The following RPRD1B variants were observed in gnomAD, a reference collection of about 807,000 sequenced individuals.
RPRD1B encodes the protein regulation of nuclear pre-mRNA domain containing 1B.
A neutral mutation model predicts 41.5 loss-of-function variants in RPRD1B; 11 were observed. The observed-to-expected ratio is 0.27, with a 90% CI of 0.17 to 0.44. The LOEUF is 0.44. Among genes scored for constraint, RPRD1B ranks in the 20% least tolerant of loss-of-function variants. RPRD1B has a pLI of 1.00. For synonymous variants in RPRD1B, 158 were observed against 155.6 expected (o/e 1.02, Z -0.12); for missense variants, 248 against 389.9 (o/e 0.64, Z 3.06).
chr20:38,050,344 G>T (rs1051139200), intron 3 of RPRD1B, among the ~76,000 whole-genome samples: 4 of 152,196 alleles, frequency 2.6e-5, no homozygotes, highest in Non-Finnish European at 5.9e-5. Flanking sequence ...ATAATTTTAG[G>T]ATCACTCAGG....
intron 6 of RPRD1B, among the ~76,000 whole-genome samples, chr20:38,082,317 A>G (rs2074520286): frequency 6.6e-6 from 1 of 152,038 alleles, no homozygotes; most frequent in African/African-American, 2.4e-5. Context: ...GAATTTATCC[A>G]TGTCTTCTAG....
intron 6 of RPRD1B, among the ~76,000 whole-genome samples, chr20:38,087,878 T>C (rs1261498038): frequency 6.6e-6 from 1 of 152,202 alleles, no homozygotes; most frequent in East Asian, 1.9e-4. Context: ...GCTCATTCAT[T>C]CGGCACATGT....
intron 6 of RPRD1B, among the ~76,000 whole-genome samples, chr20:38,081,325 T>A (rs1384765869): frequency 6.6e-6 from 1 of 152,236 alleles, no homozygotes; most frequent in African/African-American, 2.4e-5. Context: ...CTTTTGTGAA[T>A]GAAATTGTGT....
intron 5 of RPRD1B, among the ~76,000 whole-genome samples, chr20:38,065,318 T>C (rs994375313): frequency 4.6e-5 from 7 of 152,082 alleles, no homozygotes; most frequent in Non-Finnish European, 8.8e-5. Flanking sequence ...GGGTCTTAGT[T>C]CCCACACCCA....
intron 3 of RPRD1B, among the ~76,000 whole-genome samples, 197 bp from the exon 4 acceptor site, chr20:38,057,335 A>G (rs1169234802): frequency 6.6e-6 from 1 of 152,220 alleles, no homozygotes; most frequent in Non-Finnish European, 1.5e-5. Flanking sequence ...GATGACGGAC[A>G]AAGACCTGTT....
intron 6 of RPRD1B, among the ~76,000 whole-genome samples, chr20:38,083,208 A>T (rs993529449): frequency 4.7e-5 from 7 of 149,312 alleles, no homozygotes; most frequent in Non-Finnish European, 8.9e-5. Flanking sequence ...GGTTTACTTT[A>T]AAAAAAAAAC....
At position 38,035,380 on chromosome 20, in the gene RPRD1B, G is replaced by A. The variant is rs902618220; in HGVS notation, c.151+1282G>A. Among the ~76,000 whole-genome samples, 7 of 152,312 alleles carry A rather than the reference G, an allele frequency of 4.6e-5. No homozygotes were observed. The East Asian group carries it at 9.6e-4, about 21-fold the overall frequency. On this transcript the variant is annotated intron_variant, in intron 1 of 6. Transcript: ENST00000373433. ...TGTTCTATACTATCTGTGAGTTGGG[G>A]ACACCACAGATGTCCTGCTCTACAG... is the stretch of plus-strand genomic sequence containing the variant.
At chr20:38,044,920 A>G (rs1479202277) in intron 2 of RPRD1B, among the ~76,000 whole-genome samples, 1 of 152,188 alleles carries the variant, frequency 6.6e-6, no homozygotes, top group African/African-American at 2.4e-5. Flanking sequence ...GCTGTGCATG[A>G]GATAAGACAG....
chr20:38,067,524 A>G (rs927199048), intron 6 of RPRD1B, among the ~76,000 whole-genome samples: 1 of 152,164 alleles, frequency 6.6e-6, no homozygotes, highest in African/African-American at 2.4e-5. Context: ...AGATCATTGT[A>G]TTTGCCTTTC....
chr20:38,085,501 G>A (rs1342984524), intron 6 of RPRD1B: 1 of 152,222 alleles, frequency 6.6e-6, no homozygotes, highest in Admixed American at 6.5e-5. Context: ...AGACAAGGTG[G>A]AAGAATCTGA....
At chr20:38,072,036 T>G (rs2074417814) in intron 6 of RPRD1B, among the ~76,000 whole-genome samples, 1 of 152,192 alleles carries the variant, frequency 6.6e-6, no homozygotes, top group South Asian at 2.1e-4. Flanking sequence ...CCAATTTATC[T>G]ATTTTTGTGG....
At chr20:38,047,383 T>A (rs901991050) in intron 2 of RPRD1B, among the ~76,000 whole-genome samples, 8 of 152,150 alleles carry the variant, frequency 5.3e-5, no homozygotes, top group Admixed American at 4.6e-4. Context: ...CGGGTGTGAA[T>A]AGAGTTCCCA....
chr20:38,079,339 G>C (rs964528901), intron 6 of RPRD1B, among the ~76,000 whole-genome samples: 1 of 151,752 alleles, frequency 6.6e-6, no homozygotes, highest in Non-Finnish European at 1.5e-5. Context: ...GGTATTTGGC[G>C]TACAGATAAT....
Position 38,087,617 on chromosome 20 carries a change from C to G in RPRD1B, c.832-2109C>G, listed in dbSNP as rs190892002. Among the ~76,000 whole-genome samples the G allele has an allele frequency of 1.8e-3, 273 of 152,276 alleles. 1 individual carries two copies. The highest frequency in any genetic ancestry group is 3.9e-3 in the Admixed American group (60 of 15,288). ...TTTTACCCTTTTTATACCTTCCATT[C>G]AGGAGAAGTTTATTAGATGAATCCG... is the stretch of plus-strand genomic sequence containing the variant. On this transcript the variant is annotated intron_variant, in intron 6 of 6. Transcript: ENST00000373433.
intron 4 of RPRD1B, among the ~76,000 whole-genome samples, chr20:38,059,148 AAAT>A (rs1179968883): frequency 1.3e-5 from 2 of 152,248 alleles, no homozygotes; most frequent in Non-Finnish European, 1.5e-5. Flanking sequence ...TAGAATTAAA[AAAT>A]AATAATAATT....
At chr20:38,064,726 A>G (rs2074335331) in intron 5 of RPRD1B, among the ~76,000 whole-genome samples, 3 of 152,186 alleles carry the variant, frequency 2.0e-5, no homozygotes, top group African/African-American at 7.2e-5. Context: ...CAACCCATTA[A>G]TTGGATATGA....
At chr20:38,078,893 T>G (rs964265361) in intron 6 of RPRD1B, among the ~76,000 whole-genome samples, 2 of 152,230 alleles carry the variant, frequency 1.3e-5, no homozygotes, top group African/African-American at 4.8e-5. Context: ...TCAAGGCAGC[T>G]TCTAGTAAAT....
intron 1 of RPRD1B, 118 bp from the exon 2 acceptor site, chr20:38,040,317 A>T: frequency 1.5e-6 from 1 of 654,950 alleles, no homozygotes; most frequent in South Asian, 3.1e-5. Context: ...TATCTACTTG[A>T]CCCCCCAGGT....
At chr20:38,080,164 G>C (rs2074500159) in intron 6 of RPRD1B, among the ~76,000 whole-genome samples, 1 of 152,208 alleles carries the variant, frequency 6.6e-6, no homozygotes, top group African/African-American at 2.4e-5. Context: ...CATTCTGTAA[G>C]TTGTCTTTTT....
Sources: gnomAD v4.1 joint callset for allele counts (sites outside exome capture counted in the v4.1 genomes callset) on GRCh38, gnomAD v4.1.1 for gene constraint, MANE v1.5 for transcripts, NCBI Gene and HGNC (gene_info 2026-07-23, HGNC 2026-07-21) for gene names.